GINS1: variants seen among roughly 807,000 people sequenced by gnomAD.
GINS1 encodes GINS complex subunit 1, also known as DNA replication complex GINS protein PSF1.
GINS1 carries 26 observed loss-of-function variants against 34.9 expected under a neutral mutation model. The observed-to-expected ratio is 0.74, with a 90% CI of 0.55 to 1.03. The LOEUF (loss-of-function observed/expected upper bound fraction) is 1.03. GINS1 is among the 50% of genes least tolerant of loss of function. GINS1 has a pLI of 0.00. For missense variants in GINS1, 235 were observed against 237.9 expected, an observed-to-expected ratio of 0.99 and a Z score of 0.08; for synonymous variants, 97 against 84.4, an observed-to-expected ratio of 1.15 and a Z score of -0.82.
chr20:25,447,982 T>G lies in GINS1; in HGVS notation c.*1991T>G, dbSNP rs1332066526. 2 of 152,204 alleles carry G rather than the reference T, an allele frequency of 1.3e-5. No individual in the cohort carries two copies. Among genetic ancestry groups the G allele is most frequent in the Non-Finnish European group, 2.9e-5 (2 of 68,182 alleles). 9.4% of individuals were successfully genotyped at this position (152,204 alleles called of 1,614,324 possible). On this transcript the variant is annotated 3_prime_UTR_variant, in exon 7 of 7. Transcript: ENST00000262460. ...CCGTCTCTACAAAAAATAGAAAAAATTAGCCAGGTGTGGTGGTGCATGCCT... is the reference window on the plus strand; with the variant it reads ...CCGTCTCTACAAAAAATAGAAAAAAGTAGCCAGGTGTGGTGGTGCATGCCT...
chr20:25,407,703 A>C lies in GINS1; in HGVS notation c.-118A>C. The C allele has an allele frequency of 1.2e-6, 1 of 801,572 alleles. No homozygotes were observed. The highest frequency in any genetic ancestry group is 1.7e-5 in the African/African-American group (1 of 58,116). 49.7% of individuals were successfully genotyped at this position (801,572 alleles called of 1,614,324 possible). ...GCGCCAAAGCGCGGAGCGGAGGCCG[A>C]GGCGAGAGCCTGGCGCTGTAGGACT... is the stretch of plus-strand genomic sequence containing the variant. On this transcript the variant is annotated 5_prime_UTR_variant, in exon 1 of 7. Transcript: ENST00000262460.
At chr20:25,433,634 A>T (rs970693185) in intron 5 of GINS1, among the ~76,000 whole-genome samples, 2 of 152,308 alleles carry the variant, frequency 1.3e-5, no homozygotes, top group African/African-American at 4.8e-5. Flanking sequence ...CTACAGAGAC[A>T]GAGGACCAAC....
At chr20:25,439,152 G>T (rs976321705) in intron 5 of GINS1, among the ~76,000 whole-genome samples, 1 of 152,164 alleles carries the variant, frequency 6.6e-6, no homozygotes, top group African/African-American at 2.4e-5. Flanking sequence ...TCTTTATAAT[G>T]CATGAGTATG....
intron 5 of GINS1, among the ~76,000 whole-genome samples, chr20:25,433,000 A>G (rs1317820816): frequency 1.3e-5 from 2 of 151,754 alleles, no homozygotes; most frequent in African/African-American, 2.4e-5. Context: ...CTCTTTTGGC[A>G]GGTATTCGCA....
intron 1 of GINS1, 142 bp downstream of exon 1, chr20:25,408,037 A>G (rs1475491157): frequency 9.1e-6 from 6 of 660,892 alleles, no homozygotes; most frequent in South Asian, 7.0e-5. Flanking sequence ...AACAAAATTC[A>G]GGAGGAAAGA....
In GINS1 at chr20:25,407,880, A is replaced by G. The variant is rs769883851; in HGVS notation, c.60A>G (p.Gln20=). Reference sequence around the variant, plus strand: ...AGCTGCATCGCGCGCCCGAAGGGCAACTGCCTGCCTTCAACGTGAGGGGCG... The same window carrying G: ...AGCTGCATCGCGCGCCCGAAGGGCAGCTGCCTGCCTTCAACGTGAGGGGCG... ...IRELHRAPEG[Q]LPAFNEDGLR... is the part of the protein sequence containing the mutation. Residue 20 remains glutamine, a synonymous_variant, in exon 1 of 7, where the codon CAA becomes CAG. Coordinates refer to ENST00000262460, the MANE Select transcript of GINS1 (RefSeq NM_021067.5). 15 of 1,613,552 alleles carry G rather than the reference A, an allele frequency of 9.3e-6. No individual in the cohort carries two copies. Among genetic ancestry groups the G allele is most frequent in the Non-Finnish European group, 1.3e-5 (15 of 1,179,538 alleles).
chr20:25,426,470 G>A (rs1439241124), intron 5 of GINS1, among the ~76,000 whole-genome samples: 5 of 152,032 alleles, frequency 3.3e-5, no homozygotes, highest in Non-Finnish European at 5.9e-5. Context: ...CAGGATAATC[G>A]CTAGAACCGG....
At chr20:25,445,631 T>G (rs944483369) in intron 6 of GINS1, among the ~76,000 whole-genome samples, 4 of 152,100 alleles carry the variant, frequency 2.6e-5, no homozygotes, top group Non-Finnish European at 5.9e-5. Context: ...ATAGGCGTGA[T>G]CCACTGCCCC....
intron 3 of GINS1, 93 bp downstream of exon 3, chr20:25,417,295 C>A (rs1389911300): frequency 1.3e-5 from 9 of 695,382 alleles, no homozygotes; most frequent in Non-Finnish European, 2.3e-5. Context: ...TCTTAGATCT[C>A]TCTCTCTTTG....
chr20:25,432,149 G>A (rs1272345151), intron 5 of GINS1, among the ~76,000 whole-genome samples: 1 of 152,174 alleles, frequency 6.6e-6, no homozygotes, highest in Non-Finnish European at 1.5e-5. Context: ...TGGAATTGCA[G>A]GCGTGAGCCA....
chr20:25,444,778 C>T (rs1600947880), intron 6 of GINS1, among the ~76,000 whole-genome samples: 1 of 152,204 alleles, frequency 6.6e-6, no homozygotes, highest in South Asian at 2.1e-4. Flanking sequence ...GCGATGTCCT[C>T]TTAGGAAGAC....
chr20:25,426,974 T>G (rs1375842412), intron 5 of GINS1, among the ~76,000 whole-genome samples: 2 of 152,186 alleles, frequency 1.3e-5, no homozygotes, highest in African/African-American at 4.8e-5. Context: ...CGTGGATATA[T>G]AAATCTCTTT....
chr20:25,441,688 A>ATTTTTT lies in GINS1; in HGVS notation c.448-13_448-8dup. 7.2e-7 allele frequency: 1 copy of ATTTTTT among 1,398,564 alleles called. No individual in the cohort carries two copies. Among genetic ancestry groups the ATTTTTT allele is most frequent in the Non-Finnish European group, 1.0e-6 (1 of 1,000,794 alleles). The allele number at this position is 1,398,564 out of a possible 1,614,324, so 86.6% of individuals were successfully genotyped here. A position where few individuals can be genotyped will look rare whatever the true frequency, so the allele number is the denominator to read the frequency against. ...AACTAATTTAGATAAAACATCTCTC[A>ATTTTTT]TTTTTTCTTTCAGGTCCGGTGTCTA... is the stretch of plus-strand genomic sequence containing the variant. On this transcript the variant is annotated splice_polypyrimidine_tract_variant and intron_variant, in intron 5 of 6. Coordinates refer to ENST00000262460, the MANE Select transcript of GINS1 (RefSeq NM_021067.5).
intron 5 of GINS1, among the ~76,000 whole-genome samples, chr20:25,435,582 A>AC (rs998948399): frequency 4.0e-5 from 6 of 151,528 alleles, no homozygotes; most frequent in Non-Finnish European, 7.4e-5. Context: ...AAACGATGAA[A>AC]CCCCATCTCT....
intron 5 of GINS1, among the ~76,000 whole-genome samples, chr20:25,434,691 C>G (rs1237169984): frequency 6.6e-6 from 1 of 152,208 alleles, no homozygotes; most frequent in African/African-American, 2.4e-5. Flanking sequence ...AAGCAGTGCT[C>G]CTGCCTCAGC....
intron 5 of GINS1, among the ~76,000 whole-genome samples, chr20:25,429,372 A>C (rs776081679): frequency 4.6e-5 from 7 of 152,060 alleles, no homozygotes; most frequent in Admixed American, 6.6e-5. Context: ...TCCAAAAGAC[A>C]CTTTTGGGAT....
At chr20:25,441,872 G>GA in intron 6 of GINS1, 96 bp downstream of exon 6, 1 of 669,616 alleles carries the variant, frequency 1.5e-6, no homozygotes. Flanking sequence ...TTTGATGATC[G>GA]TTTATATATT....
chr20:25,429,055 C>T (rs1306040438), intron 5 of GINS1, among the ~76,000 whole-genome samples: 1 of 138,634 alleles, frequency 7.2e-6, no homozygotes, highest in African/African-American at 2.6e-5. Flanking sequence ...GTGGTGCACT[C>T]TTGGCTCACT....
intron 1 of GINS1, chr20:25,409,078 G>C: frequency 1.0e-6 from 1 of 972,194 alleles, no homozygotes; most frequent in South Asian, 4.8e-5. Context: ...AGAAGGAAGC[G>C]AGGCATCCCA....
Sources: allele counts gnomAD v4.1 joint callset (sites outside exome capture counted in the v4.1 genomes callset), GRCh38; gene constraint gnomAD v4.1.1; transcripts MANE v1.5; gene names NCBI Gene and HGNC (gene_info 2026-07-23, HGNC 2026-07-21).